ARID2: variants seen among roughly 807,000 people sequenced by gnomAD.
ARID2 encodes the protein AT-rich interaction domain 2.
Under a neutral mutation model 184.6 loss-of-function variants are expected in ARID2, and 32 were observed. The ratio of observed to expected loss-of-function variants is 0.17; its 90% CI spans 0.13 to 0.23. The LOEUF is 0.23. Ranked by LOEUF, ARID2 falls within the 10% of genes least tolerant of loss-of-function variation. The pLI is 1.00. For synonymous variants in ARID2, 836 were observed against 772.6 expected, an observed-to-expected ratio of 1.08 and a Z score of -1.36; for missense variants, 1,696 against 2,197.6, an observed-to-expected ratio of 0.77 and a Z score of 4.56.
At chr12:45,737,019 A>T (rs1941140447) in intron 3 of ARID2, among the ~76,000 whole-genome samples, 1 of 152,226 alleles carries the variant, frequency 6.6e-6, no homozygotes, top group African/African-American at 2.4e-5. Context: ...TTAAACTATA[A>T]TGTGATAAAA....
chr12:45,800,566 G>C (rs1041492372), intron 3 of ARID2, among the ~76,000 whole-genome samples: 10 of 152,044 alleles, frequency 6.6e-5, no homozygotes, highest in Non-Finnish European at 1.3e-4. Flanking sequence ...TATAATGGAA[G>C]GTCCTAGAAA....
intron 16 of ARID2, among the ~76,000 whole-genome samples, chr12:45,867,339 AC>A (rs1192198554): frequency 2.0e-5 from 3 of 151,920 alleles, no homozygotes; most frequent in African/African-American, 7.2e-5. Flanking sequence ...TGTAACCTCA[AC>A]TTCCTGAGCT....
chr12:45,886,982 C>A (rs1291136073), intron 16 of ARID2, among the ~76,000 whole-genome samples: 2 of 152,342 alleles, frequency 1.3e-5, no homozygotes, highest in South Asian at 2.1e-4. Flanking sequence ...TAACATTCAG[C>A]TCCTTGTTAC....
chr12:45,861,580 C>CTTTTTTT (rs11303020), intron 16 of ARID2, among the ~76,000 whole-genome samples: 5 of 96,976 alleles, frequency 5.2e-5, no homozygotes, highest in African/African-American at 9.0e-5. Context: ...AGGCATTTGT[C>CTTTTTTT]TTTTTTTTTT....
chr12:45,867,635 C>T (rs1401400747), intron 16 of ARID2, among the ~76,000 whole-genome samples: 3 of 149,920 alleles, frequency 2.0e-5, no homozygotes, highest in Non-Finnish European at 3.0e-5. Flanking sequence ...CCCAGCTACT[C>T]GGGAGGCTGA....
At chr12:45,794,818 T>C (rs1332490507) in intron 3 of ARID2, among the ~76,000 whole-genome samples, 1 of 152,220 alleles carries the variant, frequency 6.6e-6, no homozygotes, top group Admixed American at 6.5e-5. Flanking sequence ...ATGAATCTAA[T>C]TTATAAATTA....
At chr12:45,809,229 C>A (rs1016460594) in intron 3 of ARID2, among the ~76,000 whole-genome samples, 6 of 152,140 alleles carry the variant, frequency 3.9e-5, no homozygotes, top group Admixed American at 3.3e-4. Flanking sequence ...ACAATGAGTT[C>A]AAACAATTCT....
intron 4 of ARID2, among the ~76,000 whole-genome samples, chr12:45,813,719 T>C (rs1157725823): frequency 6.6e-6 from 1 of 152,134 alleles, no homozygotes; most frequent in Non-Finnish European, 1.5e-5. Flanking sequence ...CATCGTACAC[T>C]GATAGAATGT....
chr12:45,904,822 G>C lies in ARID2; in HGVS notation c.5364-112G>C, dbSNP rs1944503084. On this transcript the variant is annotated intron_variant, in intron 20 of 20. Coordinates refer to ENST00000334344, the MANE Select transcript of ARID2 (RefSeq NM_152641.4). ...TGCAATACTATATTAACATTTACGG[G>C]GTGTGGAGCTATGTATTGTTTCTAT... The C allele has an allele frequency of 5.9e-6, 6 of 1,016,272 alleles. No homozygotes were observed. The South Asian group carries it at 1.0e-4, about 18-fold the overall frequency. 63.0% of individuals were successfully genotyped at this position (1,016,272 alleles called of 1,614,324 possible).
intron 6 of ARID2, among the ~76,000 whole-genome samples, chr12:45,825,601 C>T (rs1942980436): frequency 6.6e-6 from 1 of 152,044 alleles, no homozygotes; most frequent in Admixed American, 6.6e-5. Flanking sequence ...TTTAATGCAT[C>T]AAGACTTACT....
chr12:45,753,339 C>T (rs1180278110), intron 3 of ARID2, among the ~76,000 whole-genome samples: 2 of 151,738 alleles, frequency 1.3e-5, no homozygotes, highest in East Asian at 1.9e-4. Context: ...TGGTCTGTAG[C>T]GTAGTGATTT....
chr12:45,739,508 A>G (rs997098233), intron 3 of ARID2, among the ~76,000 whole-genome samples: 1 of 114,304 alleles, frequency 8.7e-6, no homozygotes, highest in African/African-American at 3.5e-5. Flanking sequence ...GCAGAAAGTT[A>G]CTTTTTATGA....
chr12:45,806,533 T>G (rs1942604435), intron 3 of ARID2, among the ~76,000 whole-genome samples: 1 of 152,196 alleles, frequency 6.6e-6, no homozygotes, highest in African/African-American at 2.4e-5. Flanking sequence ...CTTTCATTTT[T>G]GTCCACCACT....
intron 3 of ARID2, among the ~76,000 whole-genome samples, chr12:45,734,325 T>C (rs1250780174): frequency 6.6e-6 from 1 of 152,174 alleles, no homozygotes; most frequent in African/African-American, 2.4e-5. Context: ...GCGGAGATCG[T>C]GCTACTGCAC....
chr12:45,893,409 G>C lies in ARID2; in HGVS notation c.5148-11G>C, dbSNP rs373098271. 3.4e-4 allele frequency: 540 copies of C among 1,602,952 alleles called. No homozygotes were observed. Among genetic ancestry groups the C allele is most frequent in the Non-Finnish European group, 3.9e-4 (462 of 1,174,754 alleles). On this transcript the variant is annotated splice_polypyrimidine_tract_variant and intron_variant, in intron 18 of 20. Coordinates refer to ENST00000334344, the MANE Select transcript of ARID2 (RefSeq NM_152641.4). ...TAATTCTCTCTCTCTCTCTCTCTCT[G>C]ATCAATTTAGGCAGCCAACTGTAGG...
At chr12:45,897,236 A>G (rs1490150436) in intron 20 of ARID2, among the ~76,000 whole-genome samples, 1 of 152,252 alleles carries the variant, frequency 6.6e-6, no homozygotes, top group Non-Finnish European at 1.5e-5. Context: ...GTACATCAAA[A>G]CAATGAAGTT....
At chr12:45,846,009 G>A (rs1177286284) in intron 11 of ARID2, 1 of 151,834 alleles carries the variant, frequency 6.6e-6, no homozygotes, top group African/African-American at 2.4e-5. Context: ...ATAACATAGG[G>A]GAGAAGAAAA....
At chr12:45,815,198 A>C (rs1407720137) in intron 4 of ARID2, among the ~76,000 whole-genome samples, 1 of 152,196 alleles carries the variant, frequency 6.6e-6, no homozygotes, top group Non-Finnish European at 1.5e-5. Context: ...GTGGAATATA[A>C]AAATGTAAAT....
intron 20 of ARID2, among the ~76,000 whole-genome samples, chr12:45,902,209 A>T (rs1944469025): frequency 6.6e-6 from 1 of 152,212 alleles, no homozygotes; most frequent in Non-Finnish European, 1.5e-5. Flanking sequence ...ATATCATTTT[A>T]TAAAAAAACA....
Sources: allele counts gnomAD v4.1 joint callset (sites outside exome capture counted in the v4.1 genomes callset), GRCh38; gene constraint gnomAD v4.1.1; transcripts MANE v1.5; gene names NCBI Gene and HGNC (gene_info 2026-07-23, HGNC 2026-07-21).